Variants in PDE1C observed in about 807,000 individuals in gnomAD.
PDE1C encodes phosphodiesterase 1C, also known as dual specificity calcium/calmodulin-dependent 3',5'-cyclic nucleotide phosphodiesterase 1C.
In PDE1C, 62 loss-of-function variants were observed where a neutral mutation model predicts 93.1. That is an observed-to-expected ratio of 0.67 (90% CI 0.54 to 0.82). The LOEUF is 0.82. Ranked by LOEUF, PDE1C falls within the 40% of genes least tolerant of loss-of-function variation. The pLI is 0.00. For synonymous variants in PDE1C, 325 were observed against 310.1 expected (o/e 1.05, Z -0.50); for missense variants, 742 against 884.6 (o/e 0.84, Z 2.04).
At chr7:31,923,272 T>G (rs1381890184) in intron 2 of PDE1C, among the ~76,000 whole-genome samples, 2 of 152,210 alleles carry the variant, frequency 1.3e-5, no homozygotes, top group Non-Finnish European at 2.9e-5. Context: ...GCACTGATTT[T>G]CAACCCCAGC....
the PDE1C span, among the ~76,000 whole-genome samples, chr7:31,721,628 A>G: frequency 3.3e-5 from 5 of 152,226 alleles, no homozygotes; most frequent in Non-Finnish European, 7.3e-5. Flanking sequence ...CTCATGTATC[A>G]GAGACAGTAG....
At chr7:31,692,328 A>T in the PDE1C span, 1 of 871,798 alleles carries the variant, frequency 1.1e-6, no homozygotes, top group Non-Finnish European at 1.8e-6. Flanking sequence ...GTGCTCAACA[A>T]ATATATTTAC....
the PDE1C span, among the ~76,000 whole-genome samples, chr7:31,704,836 A>G: frequency 1.3e-5 from 2 of 152,108 alleles, no homozygotes; most frequent in African/African-American, 4.8e-5. Flanking sequence ...TTAATGGTGC[A>G]CCTCTGCTTC....
chr7:31,954,568 AT>A (rs1182419213), intron 2 of PDE1C, among the ~76,000 whole-genome samples: 5 of 152,080 alleles, frequency 3.3e-5, no homozygotes, highest in Admixed American at 3.3e-4. Flanking sequence ...TATCTGATCT[AT>A]TCCTGGATTT....
intron 2 of PDE1C, among the ~76,000 whole-genome samples, chr7:32,016,225 C>A (rs1275841694): frequency 6.6e-6 from 1 of 152,192 alleles, no homozygotes. Flanking sequence ...TATAACACTG[C>A]CAGACCTATA....
the PDE1C span, among the ~76,000 whole-genome samples, chr7:31,739,381 C>A: frequency 1.3e-5 from 2 of 152,096 alleles, no homozygotes; most frequent in African/African-American, 2.4e-5. Context: ...TAGAAATCTA[C>A]GCCATGGGTG....
At chr7:31,655,488 T>A in the PDE1C span, among the ~76,000 whole-genome samples, 1 of 152,200 alleles carries the variant, frequency 6.6e-6, no homozygotes, top group African/African-American at 2.4e-5. Flanking sequence ...TGGGTCATAT[T>A]TGCTGGATCT....
chr7:32,418,812 T>C (rs940221610), intron 1 of PDE1C, among the ~76,000 whole-genome samples: 10 of 152,210 alleles, frequency 6.6e-5, no homozygotes, highest in African/African-American at 1.9e-4. Flanking sequence ...TGAAAAACTT[T>C]TTCCAAACTG....
rs186597006 is a variant in PDE1C at position 31,842,986 on chromosome 7, A to G, written c.980+4982T>C. On this transcript the variant is annotated intron_variant, in intron 9 of 17. Coordinates refer to ENST00000396191, the MANE Select transcript of PDE1C (RefSeq NM_001191057.4). ...CCTACTTTCCTCTGATTACTTTTTGATCCACAAATGATTTAGAAGAATGTT... is the reference window on the plus strand; with the variant it reads ...CCTACTTTCCTCTGATTACTTTTTGGTCCACAAATGATTTAGAAGAATGTT... Among the ~76,000 whole-genome samples the G allele has an allele frequency of 5.9e-4, 89 of 151,964 alleles. 1 individual carries two copies. The highest frequency in any genetic ancestry group is 8.8e-5 in the Non-Finnish European group (6 of 67,822).
chr7:32,116,935 G>A (rs1033738901), intron 3 of PDE1C, among the ~76,000 whole-genome samples: 7 of 152,126 alleles, frequency 4.6e-5, no homozygotes, highest in Non-Finnish European at 8.8e-5. Context: ...TAAGCATCCA[G>A]AGTGTTAACA....
At chr7:32,241,419 G>A (rs1157800721) in intron 1 of PDE1C, among the ~76,000 whole-genome samples, 1 of 152,170 alleles carries the variant, frequency 6.6e-6, no homozygotes, top group Non-Finnish European at 1.5e-5. Flanking sequence ...GCTGCAGGGT[G>A]TCAAATATGA....
intron 2 of PDE1C, among the ~76,000 whole-genome samples, chr7:31,912,235 C>A (rs1304202165): frequency 6.6e-6 from 1 of 152,168 alleles, no homozygotes. Flanking sequence ...GTTAACCTTA[C>A]AATCTCACAG....
At chr7:32,152,562 C>T (rs534552037) in intron 3 of PDE1C, among the ~76,000 whole-genome samples, 1 of 152,328 alleles carries the variant, frequency 6.6e-6, no homozygotes, top group Non-Finnish European at 1.5e-5. Context: ...AAAAGGGCTA[C>T]TCAGGGCCCC....
At chr7:31,925,401 C>T (rs945970872) in intron 2 of PDE1C, among the ~76,000 whole-genome samples, 2 of 151,992 alleles carry the variant, frequency 1.3e-5, no homozygotes, top group African/African-American at 2.4e-5. Flanking sequence ...CAGTGGTTCA[C>T]ACATACAATA....
chr7:32,203,475 A>C lies in PDE1C; in HGVS notation c.136+6014T>G, dbSNP rs146746952. Among the ~76,000 whole-genome samples, 662 of 152,192 alleles carry C rather than the reference A, an allele frequency of 4.3e-3. 7 individuals carry two copies. Among genetic ancestry groups the C allele is most frequent in the African/African-American group, 0.015 (631 of 41,526 alleles). ...TCTGCCTTCCATTTCCCATCTCTGC[A>C]GAGGGAAGGTGATCATTCACCCAGC... On this transcript the variant is annotated intron_variant, in intron 2 of 18. Coordinates refer to the PDE1C transcript ENST00000396193.
In PDE1C at chr7:31,752,993, A is replaced by G. The variant is rs1344383604; in HGVS notation, c.*391T>C. 6.5e-6 allele frequency: 1 copy of G among 153,798 alleles called. No individual in the cohort carries two copies. The highest frequency in any genetic ancestry group is 1.4e-5 in the Non-Finnish European group (1 of 69,180). The allele number at this position is 153,798 out of a possible 1,614,324, so 9.5% of individuals were successfully genotyped here. A position where few individuals can be genotyped will look rare whatever the true frequency, so the allele number is the denominator to read the frequency against. Reference sequence around the variant, plus strand: ...TTTATCAGTGCATTTCTTAAATATGATGATTATTAAACCAATATTCTTTTG... The same window carrying G: ...TTTATCAGTGCATTTCTTAAATATGGTGATTATTAAACCAATATTCTTTTG... On this transcript the variant is annotated 3_prime_UTR_variant, in exon 18 of 18. Transcript: ENST00000396191.
the PDE1C span, among the ~76,000 whole-genome samples, chr7:31,640,887 G>A: frequency 1.3e-5 from 2 of 152,156 alleles, no homozygotes; most frequent in African/African-American, 2.4e-5. Flanking sequence ...ATTTTAAAAT[G>A]TATGCCCTCT....
chr7:32,132,635 C>A (rs1181115409), intron 3 of PDE1C, among the ~76,000 whole-genome samples: 1 of 152,154 alleles, frequency 6.6e-6, no homozygotes, highest in Non-Finnish European at 1.5e-5. Flanking sequence ...CACTGCATTC[C>A]AGCCTGAGTG....
intron 2 of PDE1C, among the ~76,000 whole-genome samples, chr7:31,913,880 A>G (rs1286871629): frequency 1.3e-5 from 2 of 152,062 alleles, no homozygotes; most frequent in Non-Finnish European, 2.9e-5. Context: ...TTCAAAAGGA[A>G]CTTGCACAGT....
Sources: allele counts gnomAD v4.1 joint callset (sites outside exome capture counted in the v4.1 genomes callset), GRCh38; gene constraint gnomAD v4.1.1; transcripts MANE v1.5; gene names NCBI Gene and HGNC (gene_info 2026-07-23, HGNC 2026-07-21).